CDH18: variants seen among roughly 807,000 people sequenced by gnomAD.
The protein encoded by CDH18 is cadherin 18, also known as cadherin-18.
In CDH18, 31 loss-of-function variants were observed where a neutral mutation model predicts 67.9. That is an observed-to-expected ratio of 0.46 (90% CI 0.34 to 0.62). The LOEUF (loss-of-function observed/expected upper bound fraction) is 0.62, where lower values mean the gene tolerates loss of function less well. CDH18 is among the 20% of genes least tolerant of loss of function. The pLI is 0.01. For synonymous variants in CDH18, 362 were observed against 347.2 expected (o/e 1.04, Z -0.48); for missense variants, 890 against 975.5 (o/e 0.91, Z 1.17).
intron 10 of CDH18, among the ~76,000 whole-genome samples, chr5:19,510,632 C>T (rs1015696477): frequency 4.6e-5 from 7 of 151,982 alleles, no homozygotes; most frequent in Non-Finnish European, 1.0e-4. Flanking sequence ...GTAGTAATTA[C>T]CTTTTTGATA....
chr5:19,579,241 A>G (rs1742824668), intron 7 of CDH18, among the ~76,000 whole-genome samples: 1 of 151,994 alleles, frequency 6.6e-6, no homozygotes, highest in African/African-American at 2.4e-5. Flanking sequence ...TTGGTCAATA[A>G]CATGCAACAG....
At chr5:19,490,363 T>A (rs892532565) in intron 11 of CDH18, among the ~76,000 whole-genome samples, 9 of 150,328 alleles carry the variant, frequency 6.0e-5, no homozygotes, top group Non-Finnish European at 8.9e-5. Flanking sequence ...TAGTTTTTTT[T>A]ATATATGATA....
rs115007722 is a variant in CDH18, at chr5:20,564,956, C to G, written c.-580+10506G>C. On this transcript the variant is annotated intron_variant, in intron 1 of 14. Coordinates refer to the CDH18 transcript ENST00000507958. ...ATCACATGACCACCATAATCAGTCACTTTGGGAGATCACAGTATATTTTGG... is the reference window on the plus strand; with the variant it reads ...ATCACATGACCACCATAATCAGTCAGTTTGGGAGATCACAGTATATTTTGG... Among the ~76,000 whole-genome samples the G allele has an allele frequency of 2.5e-3, 374 of 152,302 alleles. 1 individual carries two copies. Among genetic ancestry groups the G allele is most frequent in the African/African-American group, 8.5e-3 (355 of 41,560 alleles).
intron 2 of CDH18, among the ~76,000 whole-genome samples, chr5:20,103,315 G>C (rs1746632098): frequency 6.6e-6 from 1 of 151,572 alleles, no homozygotes; most frequent in African/African-American, 2.4e-5. Flanking sequence ...AAGTAAATCA[G>C]ACTTTTTTTG....
Position 19,713,246 on chromosome 5 carries a change from C to A in CDH18, c.643+8101G>T, listed in dbSNP as rs965798373. ...ACAATTGACCAACATTGATTCTTAT[C>A]TTTTTGATATGTAAAGGTATAACTA... is the stretch of plus-strand genomic sequence containing the variant. On this transcript the variant is annotated intron_variant, in intron 5 of 12. Transcript: ENST00000382275. 1.7e-4 allele frequency among the ~76,000 whole-genome samples: 26 copies of A among 151,892 alleles called. 1 individual carries two copies. The highest frequency in any genetic ancestry group is 1.4e-3 in the Admixed American group (21 of 15,208).
At chr5:20,273,482 T>G (rs547759908) in intron 1 of CDH18, among the ~76,000 whole-genome samples, 15 of 152,204 alleles carry the variant, frequency 9.9e-5, no homozygotes, top group African/African-American at 3.4e-4. Context: ...ATCATATTAC[T>G]TACTGAATAT....
chr5:19,527,864 C>G (rs1162573818), intron 9 of CDH18, among the ~76,000 whole-genome samples: 2 of 151,690 alleles, frequency 1.3e-5, no homozygotes, highest in Middle Eastern at 3.4e-3. Flanking sequence ...TTCCAGTTGC[C>G]TATAAATCCT....
chr5:20,489,462 G>A (rs1203584721), intron 1 of CDH18, among the ~76,000 whole-genome samples: 1 of 151,870 alleles, frequency 6.6e-6, no homozygotes, highest in African/African-American at 2.4e-5. Flanking sequence ...ACTTTTAGAT[G>A]GATAATTATA....
intron 2 of CDH18, among the ~76,000 whole-genome samples, chr5:19,886,634 G>T (rs998390411): frequency 3.9e-5 from 6 of 152,044 alleles, no homozygotes; most frequent in Admixed American, 3.9e-4. Flanking sequence ...AGCTTTCATA[G>T]AAATATATGA....
At chr5:20,518,080 G>C (rs534727166) in intron 1 of CDH18, among the ~76,000 whole-genome samples, 2 of 151,980 alleles carry the variant, frequency 1.3e-5, no homozygotes, top group Non-Finnish European at 2.9e-5. Flanking sequence ...ATCAGAGAGT[G>C]GGGAAATGTT....
At chr5:19,924,044 C>T (rs1426551629) in intron 2 of CDH18, among the ~76,000 whole-genome samples, 1 of 152,170 alleles carries the variant, frequency 6.6e-6, no homozygotes, top group Non-Finnish European at 1.5e-5. Context: ...ATTGTCATAG[C>T]TGGCTTACAT....
At chr5:19,685,852 C>G (rs191413522) in intron 5 of CDH18, among the ~76,000 whole-genome samples, 14 of 152,206 alleles carry the variant, frequency 9.2e-5, no homozygotes, top group African/African-American at 3.4e-4. Flanking sequence ...GGAGAGGTGG[C>G]TGGAGGATCA....
At chr5:19,790,312 T>A (rs1776224942) in intron 3 of CDH18, among the ~76,000 whole-genome samples, 1 of 152,186 alleles carries the variant, frequency 6.6e-6, no homozygotes, top group African/African-American at 2.4e-5. Flanking sequence ...TATTACTGCA[T>A]GTATAAATTT....
chr5:20,146,630 AAT>A (rs1750670893), intron 2 of CDH18, among the ~76,000 whole-genome samples: 1 of 151,494 alleles, frequency 6.6e-6, no homozygotes, highest in Admixed American at 6.6e-5. Flanking sequence ...AAAAAAAAAA[AAT>A]AAAATAAACA....
intron 5 of CDH18, among the ~76,000 whole-genome samples, chr5:19,623,586 C>T (rs895699783): frequency 5.3e-5 from 8 of 151,148 alleles, no homozygotes; most frequent in African/African-American, 1.9e-4. Context: ...TCTTATTCTG[C>T]TTTTTTTTGG....
chr5:20,165,392 C>G (rs1324141657), intron 2 of CDH18, among the ~76,000 whole-genome samples: 1 of 151,978 alleles, frequency 6.6e-6, no homozygotes, highest in African/African-American at 2.4e-5. Flanking sequence ...TGAGGACTTA[C>G]TTAAATTCGG....
intron 1 of CDH18, among the ~76,000 whole-genome samples, chr5:20,437,617 T>A (rs965001478): frequency 6.6e-6 from 1 of 151,516 alleles, no homozygotes; most frequent in Admixed American, 6.6e-5. Context: ...ATCATTTGAA[T>A]CCAATGTTCT....
chr5:20,190,779 C>A (rs963880822), intron 2 of CDH18, among the ~76,000 whole-genome samples: 1 of 152,116 alleles, frequency 6.6e-6, no homozygotes, highest in African/African-American at 2.4e-5. Flanking sequence ...AATGAGAGAC[C>A]TATTACCACC....
At chr5:19,505,746 C>T (rs1402410851) in intron 10 of CDH18, among the ~76,000 whole-genome samples, 1 of 151,958 alleles carries the variant, frequency 6.6e-6, no homozygotes, top group African/African-American at 2.4e-5. Flanking sequence ...ATTTTTGTAT[C>T]GATGTTCATC....
Sources: allele counts gnomAD v4.1 joint callset (sites outside exome capture counted in the v4.1 genomes callset), GRCh38; gene constraint gnomAD v4.1.1; transcripts MANE v1.5; gene names NCBI Gene and HGNC (gene_info 2026-07-23, HGNC 2026-07-21).